The following TMCC1 variants were observed in gnomAD, a reference collection of about 807,000 sequenced individuals.
TMCC1 encodes the protein transmembrane and coiled-coil domains protein 1.
In TMCC1, 15 loss-of-function variants were observed where a neutral mutation model predicts 52.4. The observed-to-expected ratio is 0.29, with a 90% CI of 0.19 to 0.44. TMCC1 has a LOEUF of 0.44. TMCC1 is among the 20% of genes least tolerant of loss of function. The probability of loss-of-function intolerance (pLI) is 1.00; values close to 1 mark genes in which losing one functional copy is unlikely to be tolerated. For missense variants in TMCC1, 503 were observed against 806.0 expected (o/e 0.62, Z 4.55); for synonymous variants, 279 against 301.9 (o/e 0.92, Z 0.79).
intron 4 of TMCC1, among the ~76,000 whole-genome samples, chr3:129,786,971 C>A (rs1172910061): frequency 6.6e-6 from 1 of 152,192 alleles, no homozygotes; most frequent in Non-Finnish European, 1.5e-5. Context: ...TAAGCCCATT[C>A]ATTAAAGTCT....
chr3:129,882,482 T>TGG (rs1472710379), intron 1 of TMCC1, among the ~76,000 whole-genome samples: 5 of 152,066 alleles, frequency 3.3e-5, no homozygotes, highest in Admixed American at 2.0e-4. Context: ...AAAATAGAAT[T>TGG]ACCATATGAT....
At chr3:129,861,218 A>C (rs1577122609) in intron 2 of TMCC1, among the ~76,000 whole-genome samples, 1 of 152,084 alleles carries the variant, frequency 6.6e-6, no homozygotes, top group Non-Finnish European at 1.5e-5. Context: ...AGGCGGGCGG[A>C]TCATGAGGTC....
chr3:129,684,270 G>C (rs924001066), intron 4 of TMCC1, among the ~76,000 whole-genome samples: 1 of 152,094 alleles, frequency 6.6e-6, no homozygotes, highest in Non-Finnish European at 1.5e-5. Context: ...ACTGAGATAA[G>C]AAGAACATTC....
rs1193727010 is a variant in TMCC1 at position 129,880,444 on chromosome 3, T to C, written c.-319A>G. The C allele has an allele frequency of 1.3e-5, 2 of 152,266 alleles. No individual in the cohort carries two copies. Among genetic ancestry groups the C allele is most frequent in the Non-Finnish European group, 2.9e-5 (2 of 68,026 alleles). 9.4% of individuals were successfully genotyped at this position (152,266 alleles called of 1,614,324 possible). A position where few individuals can be genotyped will look rare whatever the true frequency, so the allele number is the denominator to read the frequency against. ...AGATCCATATGAAAAAGAGATCCAA[T>C]CTGGGAGGATGGACACTGTGTCTTC... On this transcript the variant is annotated 5_prime_UTR_variant, in exon 2 of 7. Coordinates refer to ENST00000393238, the MANE Select transcript of TMCC1 (RefSeq NM_001017395.5).
intron 4 of TMCC1, among the ~76,000 whole-genome samples, chr3:129,705,213 A>T (rs909536659): frequency 1.3e-5 from 2 of 152,192 alleles, no homozygotes; most frequent in African/African-American, 4.8e-5. Flanking sequence ...TGAGGAACGA[A>T]AAGGAGGAGA....
At chr3:129,670,208 C>T (rs957391123) in intron 5 of TMCC1, 122 bp downstream of exon 5, 1 of 1,012,774 alleles carries the variant, frequency 9.9e-7, no homozygotes, top group Non-Finnish European at 1.4e-6. Flanking sequence ...TGTCTTATGA[C>T]ATACCGAAAG....
intron 4 of TMCC1, among the ~76,000 whole-genome samples, chr3:129,674,933 T>C (rs2088274643): frequency 1.3e-5 from 2 of 152,184 alleles, no homozygotes; most frequent in African/African-American, 4.8e-5. Context: ...CTCTGCCTCC[T>C]GGCTTCAAGC....
intron 2 of TMCC1, among the ~76,000 whole-genome samples, chr3:129,868,708 AG>A: frequency 6.6e-6 from 1 of 152,170 alleles, no homozygotes; most frequent in Non-Finnish European, 1.5e-5. Flanking sequence ...CCAAAGTGCT[AG>A]GATTACAGGC....
intron 5 of TMCC1, among the ~76,000 whole-genome samples, chr3:129,656,279 T>C (rs1413891141): frequency 1.3e-5 from 2 of 152,212 alleles, no homozygotes; most frequent in African/African-American, 4.8e-5. Flanking sequence ...TTCTGGTGCC[T>C]AGAATGGAAA....
chr3:129,751,473 T>C (rs2052515766), intron 4 of TMCC1, among the ~76,000 whole-genome samples: 1 of 152,020 alleles, frequency 6.6e-6, no homozygotes, highest in African/African-American at 2.4e-5. Context: ...GAGGCTGCAG[T>C]GAGCCATGAT....
intron 1 of TMCC1, among the ~76,000 whole-genome samples, 179 bp from the exon 2 acceptor site, chr3:129,880,738 A>G (rs1443553423): frequency 1.3e-5 from 2 of 152,204 alleles, no homozygotes; most frequent in African/African-American, 4.8e-5. Flanking sequence ...GGAGCATTTC[A>G]GAGTTCAGAC....
chr3:129,702,814 G>A (rs1264792418), intron 4 of TMCC1, among the ~76,000 whole-genome samples: 2 of 152,166 alleles, frequency 1.3e-5, no homozygotes, highest in Non-Finnish European at 1.5e-5. Context: ...TCAGGAGTTC[G>A]ACACCCGCCT....
chr3:129,848,625 T>C (rs964863250), intron 2 of TMCC1, among the ~76,000 whole-genome samples: 43 of 152,162 alleles, frequency 2.8e-4, no homozygotes, highest in Non-Finnish European at 1.5e-5. Context: ...ACCTGAACCC[T>C]TATAGTTGAA....
rs897216125 is a variant in TMCC1, at chr3:129,793,250, T to C, written c.576+34553A>G. ...ATTTTAATACTCCTAAAAATCCCGTTAGGCTTAGAAGTCCCAAGAAAAACT... is the reference window on the plus strand; with the variant it reads ...ATTTTAATACTCCTAAAAATCCCGTCAGGCTTAGAAGTCCCAAGAAAAACT... On this transcript the variant is annotated intron_variant, in intron 4 of 6. Transcript: ENST00000393238. 3.9e-5 allele frequency among the ~76,000 whole-genome samples: 6 copies of C among 152,076 alleles called. No individual in the cohort carries two copies. In the East Asian group the frequency reaches 9.6e-4, roughly 24 times the overall value.
intron 4 of TMCC1, among the ~76,000 whole-genome samples, chr3:129,774,148 AG>A (rs2054834660): frequency 6.6e-6 from 1 of 152,136 alleles, no homozygotes; most frequent in African/African-American, 2.4e-5. Flanking sequence ...GGTCTGGAGG[AG>A]GAAAGATATC....
intron 4 of TMCC1, among the ~76,000 whole-genome samples, chr3:129,705,846 C>A (rs1397376056): frequency 1.3e-5 from 2 of 151,660 alleles, no homozygotes; most frequent in African/African-American, 4.8e-5. Flanking sequence ...CCTGCCTCAG[C>A]CTCCCAAAGT....
intron 4 of TMCC1, among the ~76,000 whole-genome samples, chr3:129,750,258 T>C (rs1470945366): frequency 1.3e-5 from 2 of 152,166 alleles, no homozygotes; most frequent in Non-Finnish European, 2.9e-5. Flanking sequence ...TGGCGTGATC[T>C]TGGTTCACTG....
chr3:129,776,368 C>A (rs914085079), intron 4 of TMCC1, among the ~76,000 whole-genome samples: 1 of 152,116 alleles, frequency 6.6e-6, no homozygotes, highest in African/African-American at 2.4e-5. Context: ...AACTAAAGCT[C>A]AGCTCAGAAG....
intron 2 of TMCC1, among the ~76,000 whole-genome samples, chr3:129,839,591 C>CA (rs1028524432): frequency 3.3e-5 from 5 of 151,958 alleles, no homozygotes; most frequent in Non-Finnish European, 7.4e-5. Flanking sequence ...CTCTTCTCTA[C>CA]AAAAAAATAG....
Sources: allele counts gnomAD v4.1 joint callset (sites outside exome capture counted in the v4.1 genomes callset), GRCh38; gene constraint gnomAD v4.1.1; transcripts MANE v1.5; gene names NCBI Gene and HGNC (gene_info 2026-07-23, HGNC 2026-07-21).